The following SPINT2 variants were observed in gnomAD, a reference collection of about 807,000 sequenced individuals.
SPINT2 encodes the protein kunitz-type protease inhibitor 2.
A neutral mutation model predicts 30.1 loss-of-function variants in SPINT2; 18 were observed. The ratio of observed to expected loss-of-function variants is 0.60; its 90% CI spans 0.41 to 0.89. The LOEUF (loss-of-function observed/expected upper bound fraction) is 0.89, where lower values mean the gene tolerates loss of function less well. Ranked by LOEUF, SPINT2 falls within the 40% of genes least tolerant of loss-of-function variation. The pLI, the probability that SPINT2 is intolerant of heterozygous loss-of-function variation, is 0.00. For synonymous variants in SPINT2, 139 were observed against 137.9 expected, an observed-to-expected ratio of 1.01 and a Z score of -0.05; for missense variants, 276 against 334.3, an observed-to-expected ratio of 0.83 and a Z score of 1.36.
rs145462055 is a variant in SPINT2, at chr19:38,270,007, C to T, written c.106+5009C>T. On this transcript the variant is annotated intron_variant, in intron 1 of 6. Coordinates refer to ENST00000301244, the MANE Select transcript of SPINT2 (RefSeq NM_021102.4). ...TCTCAAAGTGCTGGGATTACAGGCT[C>T]GAGCCACGTGGCCCAGCCCTCTCCT... Among the ~76,000 whole-genome samples, 1,270 of 132,334 alleles carry T rather than the reference C, an allele frequency of 9.6e-3. 21 individuals are homozygous for T. The highest frequency in any genetic ancestry group is 0.035 in the African/African-American group (1,146 of 32,626). The allele number at this position is 132,334 out of a possible 152,430, so 86.8% of individuals were successfully genotyped here.
rs138690206 is a variant in SPINT2 at position 38,290,248 on chromosome 19, G to A, written c.521G>A (p.Arg174His). 4.3e-6 allele frequency: 7 copies of A among 1,612,232 alleles called. No individual in the cohort carries two copies. The East Asian group carries it at 6.7e-5, about 15-fold the overall frequency. The change falls in exon 5 of 7, where the codon CGC becomes CAC. Residue 174 changes from arginine (R) to histidine (H), a missense_variant. By Grantham distance (29) the Arg-to-His change is conservative. Coordinates refer to ENST00000301244, the MANE Select transcript of SPINT2 (RefSeq NM_021102.4). This position sits in a 1 kb window ranked among gnomAD's most constrained non-coding sequence, Gnocchi z 4.3. ...GGCRGNKNSY[R>H]SEEACMLRCF... Reference sequence around the variant, plus strand: ...TGCCGGGGCAATAAGAACAGCTACCGCTCTGAGGAGGCCTGCATGCTCCGC... The same window carrying A: ...TGCCGGGGCAATAAGAACAGCTACCACTCTGAGGAGGCCTGCATGCTCCGC...
At chr19:38,277,671 G>A (rs978927131) in intron 1 of SPINT2, among the ~76,000 whole-genome samples, 8 of 152,180 alleles carry the variant, frequency 5.3e-5, no homozygotes, top group Admixed American at 3.3e-4. Context: ...CAGAACCAGA[G>A]AAACTTGTTT....
chr19:38,268,493 A>G (rs1355631349), intron 1 of SPINT2, among the ~76,000 whole-genome samples: 1 of 152,212 alleles, frequency 6.6e-6, no homozygotes, highest in East Asian at 1.9e-4. Context: ...TGAAGATGTA[A>G]TGGAACCAAA....
At chr19:38,269,167 A>C (rs1487300984) in intron 1 of SPINT2, among the ~76,000 whole-genome samples, 1 of 151,088 alleles carries the variant, frequency 6.6e-6, no homozygotes, top group East Asian at 2.0e-4. Context: ...GCGCGATCTC[A>C]GCTCACTGCA....
At chr19:38,276,844 A>G (rs1968524606) in intron 1 of SPINT2, among the ~76,000 whole-genome samples, 2 of 151,952 alleles carry the variant, frequency 1.3e-5, no homozygotes, top group East Asian at 2.0e-4. Context: ...TTTGTTGCCC[A>G]GGCTGGAGTG....
rs202002860 is a variant in SPINT2 at position 38,287,957 on chromosome 19, C to T, written c.337+22C>T. ...AGTGGTAGGTTCTTAAAGAGACCCG[C>T]GATGGAGTGAGGCCACCGGATGGGT... is the stretch of plus-strand genomic sequence containing the variant. On this transcript the variant is annotated intron_variant, in intron 3 of 6. Transcript: ENST00000301244. 48 of 1,613,696 alleles carry T rather than the reference C, an allele frequency of 3.0e-5. No homozygotes were observed. In the Middle Eastern group the frequency reaches 5.0e-4, roughly 17 times the overall value.
intron 1 of SPINT2, among the ~76,000 whole-genome samples, chr19:38,280,663 C>T (rs1388922588): frequency 6.6e-6 from 1 of 152,156 alleles, no homozygotes. Context: ...CACCCTCAGG[C>T]ACATGCCACG....
intron 1 of SPINT2, 100 bp downstream of exon 1, chr19:38,265,098 G>C: frequency 1.0e-6 from 1 of 996,592 alleles, no homozygotes; most frequent in Non-Finnish European, 1.4e-6. Flanking sequence ...GAGGAAACTG[G>C]GGGCTACTTG....
intron 1 of SPINT2, among the ~76,000 whole-genome samples, chr19:38,267,060 C>T (rs560343673): frequency 6.6e-6 from 1 of 152,204 alleles, no homozygotes; most frequent in East Asian, 1.9e-4. Context: ...TTGCCTTGCC[C>T]GAGGTCACTC....
chr19:38,283,831 T>C (rs779502265), intron 2 of SPINT2, 34 bp downstream of exon 2: 16 of 1,505,500 alleles, frequency 1.1e-5, no homozygotes, highest in South Asian at 1.2e-5. Flanking sequence ...TTTGTTTTTT[T>C]CCTTTTTTTT....
intron 2 of SPINT2, among the ~76,000 whole-genome samples, chr19:38,285,169 C>G (rs1968626556): frequency 6.6e-6 from 1 of 152,016 alleles, no homozygotes. Context: ...TAATTTTGAC[C>G]CTGATAACCT....
At chr19:38,269,286 A>G (rs1968419726) in intron 1 of SPINT2, among the ~76,000 whole-genome samples, 1 of 151,172 alleles carries the variant, frequency 6.6e-6, no homozygotes, top group South Asian at 2.1e-4. Context: ...TTTAGTAGAG[A>G]CAGGGTCTCA....
At chr19:38,284,899 A>G (rs1168555889) in intron 2 of SPINT2, among the ~76,000 whole-genome samples, 2 of 151,994 alleles carry the variant, frequency 1.3e-5, no homozygotes, top group East Asian at 3.9e-4. Context: ...TATTTTTAGT[A>G]GAGATGGGGT....
At chr19:38,270,450 C>T (rs907409429) in intron 1 of SPINT2, among the ~76,000 whole-genome samples, 6 of 152,158 alleles carry the variant, frequency 3.9e-5, no homozygotes, top group Non-Finnish European at 8.8e-5. Context: ...AAATAGACCC[C>T]CTCCCCCATC....
intron 1 of SPINT2, among the ~76,000 whole-genome samples, chr19:38,268,576 T>C (rs1406454273): frequency 1.3e-5 from 2 of 152,224 alleles, no homozygotes; most frequent in African/African-American, 4.8e-5. Context: ...GCAGGAGATA[T>C]GCCATTCCCT....
chr19:38,291,936 G>T lies in SPINT2; in HGVS notation c.689G>T (p.Arg230Leu). 1 of 1,614,084 alleles carries T rather than the reference G, an allele frequency of 6.2e-7. No homozygotes were observed. Among genetic ancestry groups the T allele is most frequent in the Non-Finnish European group, 8.5e-7 (1 of 1,180,008 alleles). ...CGGGTGGCACGGAGGAACCAGGAGC[G>T]TGCCCTGCGCACCGTCTGGAGCTCC... Reference protein sequence around the residue: ...LIRVARRNQERALRTVWSSGD... With the variant: ...LIRVARRNQELALRTVWSSGD... Residue 230 changes from arginine (R) to leucine (L), a missense_variant, in exon 7 of 7, where the codon CGT becomes CTT. Arg to Leu is a moderately radical substitution (Grantham distance 102). Coordinates refer to ENST00000301244, the MANE Select transcript of SPINT2 (RefSeq NM_021102.4).
At chr19:38,283,824 GT>G (rs749586714) in intron 2 of SPINT2, 27 bp downstream of exon 2, 8 of 823,910 alleles carry the variant, frequency 9.7e-6, no homozygotes, top group Middle Eastern at 4.2e-4. Flanking sequence ...TGGAGCTTTT[GT>G]TTTTTTCCTT....
intron 1 of SPINT2, among the ~76,000 whole-genome samples, chr19:38,274,320 T>C (rs1007623647): frequency 2.8e-5 from 4 of 144,086 alleles, no homozygotes; most frequent in African/African-American, 1.0e-4. Flanking sequence ...TTTTTCTTTC[T>C]TTTTTTTTGA....
At chr19:38,289,793 C>T (rs573870831) in intron 4 of SPINT2, 41 of 402,580 alleles carry the variant, frequency 1.0e-4, no homozygotes, top group African/African-American at 7.4e-4. Flanking sequence ...TGGCTGTGGG[C>T]AAGTGACTGT....
Sources: gnomAD v4.1 joint callset for allele counts (sites outside exome capture counted in the v4.1 genomes callset) on GRCh38, gnomAD v4.1.1 for gene constraint, Gnocchi (gnomAD v3.1) non-coding constraint, MANE v1.5 for transcripts, NCBI Gene and HGNC (gene_info 2026-07-23, HGNC 2026-07-21) for gene names.